The following KDM6A variants were observed in gnomAD, a reference collection of about 807,000 sequenced individuals.
KDM6A encodes the protein lysine-specific demethylase 6A.
A neutral mutation model predicts 117.6 loss-of-function variants in KDM6A; 11 were observed. The ratio of observed to expected loss-of-function variants is 0.09; its 90% CI spans 0.06 to 0.15. The LOEUF is 0.15. Ranked by LOEUF, KDM6A falls within the 10% of genes least tolerant of loss-of-function variation. The pLI is 1.00. For synonymous variants in KDM6A, 384 were observed against 396.1 expected (o/e 0.97, Z 0.36); for missense variants, 799 against 1,077.3 (o/e 0.74, Z 3.62).
intron 8 of KDM6A, among the ~76,000 whole-genome samples, chrX:45,051,032 C>CA (rs1166690894): frequency 9.0e-6 from 1 of 111,497 alleles, no homozygotes. Context: ...TATTTAGAGA[C>CA]AGAGTGTTGC....
chrX:44,989,474 C>A (rs1417909562), intron 4 of KDM6A, among the ~76,000 whole-genome samples: 1 of 109,751 alleles, frequency 9.1e-6, no homozygotes, highest in Non-Finnish European at 1.9e-5. Context: ...ATGCAGAAAT[C>A]ACCTGTCTTC....
At chrX:44,883,826 G>A (rs1469433578) in intron 2 of KDM6A, among the ~76,000 whole-genome samples, 2 of 111,352 alleles carry the variant, frequency 1.8e-5, no homozygotes, top group Non-Finnish European at 3.8e-5. Context: ...TAAACTGAGC[G>A]TGGAGGCTCA....
At chrX:44,958,170 T>C (rs1168123413) in intron 2 of KDM6A, among the ~76,000 whole-genome samples, 1 of 107,929 alleles carries the variant, frequency 9.3e-6, no homozygotes, top group African/African-American at 3.5e-5. Context: ...AGCATAATAA[T>C]TCTTTAATGA....
intron 2 of KDM6A, among the ~76,000 whole-genome samples, chrX:44,944,709 TC>T (rs2037533664): frequency 9.2e-6 from 1 of 108,305 alleles, no homozygotes; most frequent in Non-Finnish European, 1.9e-5. Context: ...AAAATTTTCT[TC>T]CAATTGTTCA....
At chrX:44,958,181 ATTTT>A (rs35278318) in intron 2 of KDM6A, among the ~76,000 whole-genome samples, 1 of 97,483 alleles carries the variant, frequency 1.0e-5, no homozygotes, top group Admixed American at 1.1e-4. Context: ...TCTTTAATGA[ATTTT>A]TTTTTTTTTT....
At position 45,073,303 on chromosome X, in the gene KDM6A, T is replaced by C. The variant is rs145861454; in HGVS notation, c.2858+2946T>C. Among the ~76,000 whole-genome samples, 10 of 111,774 alleles carry C rather than the reference T, an allele frequency of 8.9e-5. No individual in the cohort carries two copies. The East Asian group carries it at 2.8e-3, about 31-fold the overall frequency. ...GACATTTGGGTTGGTTCCAAGTCTT[T>C]GCTATTGTGAATAGTGCCACAATAA... On this transcript the variant is annotated intron_variant, in intron 18 of 29. Transcript: ENST00000611820.
At chrX:44,940,767 G>A (rs773972967) in intron 2 of KDM6A, among the ~76,000 whole-genome samples, 42 of 112,002 alleles carry the variant, frequency 3.7e-4, no homozygotes, top group African/African-American at 1.2e-3. Flanking sequence ...AAGGTACGGT[G>A]ACTCACGCCT....
chrX:44,873,901 G>A (rs1287015324), intron 1 of KDM6A, 23 bp from the exon 2 acceptor site: 1 of 1,207,316 alleles, frequency 8.3e-7, no homozygotes. Context: ...GCGTTAACGA[G>A]TAAACTGTGT....
intron 2 of KDM6A, among the ~76,000 whole-genome samples, chrX:44,909,944 A>C (rs1039480110): frequency 4.4e-5 from 5 of 112,368 alleles, no homozygotes; most frequent in African/African-American, 1.6e-4. Flanking sequence ...TCTTGTTTTT[A>C]TTAAAATAAC....
intron 6 of KDM6A, among the ~76,000 whole-genome samples, chrX:45,021,397 T>C (rs1380029106): frequency 8.9e-6 from 1 of 111,782 alleles, no homozygotes; most frequent in Non-Finnish European, 1.9e-5. Context: ...AGGAATTATG[T>C]TTTGAAAGGA....
At chrX:44,902,571 A>G (rs937230178) in intron 2 of KDM6A, among the ~76,000 whole-genome samples, 1 of 110,431 alleles carries the variant, frequency 9.1e-6, no homozygotes, top group Non-Finnish European at 1.9e-5. Context: ...TGTATTTTTA[A>G]TGCAGATGGG....
At chrX:45,061,577 C>T (rs945017481) in intron 15 of KDM6A, among the ~76,000 whole-genome samples, 158 bp downstream of exon 15, 2 of 103,904 alleles carry the variant, frequency 1.9e-5, no homozygotes, top group African/African-American at 3.6e-5. Flanking sequence ...CTGCAACCTC[C>T]GCGTCCTGTG....
intron 16 of KDM6A, among the ~76,000 whole-genome samples, chrX:45,063,164 CAT>C (rs1491221810): frequency 1.8e-5 from 2 of 109,952 alleles, no homozygotes; most frequent in Non-Finnish European, 3.8e-5. Flanking sequence ...TTCCTTTTGT[CAT>C]TACTAATGGG....
intron 2 of KDM6A, among the ~76,000 whole-genome samples, chrX:44,957,368 G>A (rs1443485107): frequency 8.9e-6 from 1 of 111,782 alleles, no homozygotes; most frequent in Non-Finnish European, 1.9e-5. Flanking sequence ...GTTTTAGCAA[G>A]GCACTGACCA....
chrX:44,942,275 C>T (rs1036030780), intron 2 of KDM6A, among the ~76,000 whole-genome samples: 4 of 110,768 alleles, frequency 3.6e-5, no homozygotes, highest in African/African-American at 1.3e-4. Context: ...CCTCGTGATG[C>T]ACCCGTGTTT....
At chrX:45,073,394 G>A (rs1395479846) in intron 18 of KDM6A, among the ~76,000 whole-genome samples, 1 of 111,580 alleles carries the variant, frequency 9.0e-6, no homozygotes, top group Non-Finnish European at 1.9e-5. Context: ...ACCCAGTAAT[G>A]AATGGGATTG....
At chrX:44,942,297 T>A (rs777498857) in intron 2 of KDM6A, among the ~76,000 whole-genome samples, 2 of 110,995 alleles carry the variant, frequency 1.8e-5, no homozygotes, top group South Asian at 7.6e-4. Flanking sequence ...CTTCCCAAAG[T>A]GCTGGGATTA....
intron 18 of KDM6A, among the ~76,000 whole-genome samples, chrX:45,071,272 T>C (rs1047161805): frequency 8.9e-6 from 1 of 112,308 alleles, no homozygotes. Flanking sequence ...TGTCATGATA[T>C]ATAGAAAATA....
intron 2 of KDM6A, among the ~76,000 whole-genome samples, chrX:44,923,823 A>G (rs922070951): frequency 9.0e-6 from 1 of 111,237 alleles, no homozygotes; most frequent in Non-Finnish European, 1.9e-5. Flanking sequence ...CCTGGGTTCA[A>G]GCAATTCTAA....
Sources: gnomAD v4.1 joint callset for allele counts (sites outside exome capture counted in the v4.1 genomes callset) on GRCh38, gnomAD v4.1.1 for gene constraint, MANE v1.5 for transcripts, NCBI Gene and HGNC (gene_info 2026-07-23, HGNC 2026-07-21) for gene names.